The following ASMTL variants were observed in gnomAD, a reference collection of about 807,000 sequenced individuals.
ASMTL encodes acetylserotonin O-methyltransferase like, also known as probable bifunctional dTTP/UTP pyrophosphatase/methyltransferase protein.
In ASMTL, 57 loss-of-function variants were observed where a neutral mutation model predicts 60.3. The observed-to-expected ratio is 0.95, with a 90% CI of 0.76 to 1.18. ASMTL has a LOEUF of 1.18. ASMTL is among the 50% of genes most tolerant of loss of function. The pLI, the probability that ASMTL is intolerant of heterozygous loss-of-function variation, is 0.00. For missense variants in ASMTL, 981 were observed against 852.6 expected (o/e 1.15, Z -1.88); for synonymous variants, 419 against 373.0 (o/e 1.12, Z -1.42).
At chrX:1,416,721 C>T (rs1419087756) in intron 11 of ASMTL, among the ~76,000 whole-genome samples, 1 of 123,704 alleles carries the variant, frequency 8.1e-6, no homozygotes, top group Non-Finnish European at 1.7e-5. Flanking sequence ...CACGCACACA[C>T]AAGGACATAC....
intron 6 of ASMTL, among the ~76,000 whole-genome samples, chrX:1,431,269 AT>A (rs1234596512): frequency 1.6e-5 from 2 of 128,156 alleles, no homozygotes; most frequent in East Asian, 4.3e-4. Flanking sequence ...GTAATTATAT[AT>A]TTATATATAA....
At chrX:1,435,386 C>T (rs2090934546) in intron 4 of ASMTL, 2 of 605,178 alleles carry the variant, frequency 3.3e-6, no homozygotes, top group Middle Eastern at 4.4e-4. Context: ...GGATGACGTC[C>T]CAGGCTACGG....
chrX:1,438,158 G>A (rs5989667), intron 3 of ASMTL, among the ~76,000 whole-genome samples: 34,780 of 150,876 alleles, frequency 0.23, 3,997 homozygotes, highest in Non-Finnish European at 0.24. Flanking sequence ...GCGTGGTGGC[G>A]GGTGCCTGTG....
Position 1,428,019 on chromosome X carries a change from G to A in ASMTL, c.612C>T (p.Phe204=). 3 of 1,613,662 alleles carry A rather than the reference G, an allele frequency of 1.9e-6. No homozygotes were observed. The highest frequency in any genetic ancestry group is 3.3e-4 in the Middle Eastern group (2 of 6,050). Reference sequence around the variant, plus strand: ...AGTAGAGCTTCACCAGCTGCTTGCAGAAGTGGTTCAGCGGGAATCCCACCA... The same window carrying A: ...AGTAGAGCTTCACCAGCTGCTTGCAAAAGTGGTTCAGCGGGAATCCCACCA... ...LNVVGFPLNH[F]CKQLVKLYYP... is the part of the protein sequence containing the mutation. The change falls in exon 7 of 13, where the codon TTC becomes TTT. Residue 204 remains phenylalanine, a synonymous_variant. Transcript: ENST00000381317.
rs764099301 is a variant in ASMTL at position 1,435,175 on chromosome X, G to A, written c.339-92C>T. Reference sequence around the variant, plus strand: ...TCAAAACCAGGGGAGGCAGCGAGGCGTCCTTAATCCTGGATCCGTCCCCAG... The same window carrying A: ...TCAAAACCAGGGGAGGCAGCGAGGCATCCTTAATCCTGGATCCGTCCCCAG... On this transcript the variant is annotated intron_variant, in intron 4 of 12. Coordinates refer to ENST00000381317, the MANE Select transcript of ASMTL (RefSeq NM_004192.4). 67 of 1,332,752 alleles carry A rather than the reference G, an allele frequency of 5.0e-5. No homozygotes were observed. The East Asian group carries it at 6.4e-4, about 13-fold the overall frequency. 82.6% of individuals were successfully genotyped at this position (1,332,752 alleles called of 1,614,324 possible). A position where few individuals can be genotyped will look rare whatever the true frequency, so the allele number is the denominator to read the frequency against.
At chrX:1,430,953 C>G (rs1234422550) in intron 6 of ASMTL, among the ~76,000 whole-genome samples, 4 of 140,200 alleles carry the variant, frequency 2.9e-5, no homozygotes, top group African/African-American at 1.0e-4. Flanking sequence ...ATATGTATTA[C>G]ATATATTTAA....
rs201674322 is a variant in ASMTL, at chrX:1,418,997, C to T, written c.1363G>A (p.Ala455Thr). 6.9e-5 allele frequency: 111 copies of T among 1,611,822 alleles called. No homozygotes were observed. In the Admixed American group the frequency reaches 8.3e-4, roughly 12 times the overall value. ...TAFNLSRFSS[A>T]CDVGGCTGAL... ...GGCCACCCACCTCCCACGTCGCAGGCGGAGGAGAAGCGGGACAGATTGAAG... is the reference window on the plus strand; with the variant it reads ...GGCCACCCACCTCCCACGTCGCAGGTGGAGGAGAAGCGGGACAGATTGAAG... The change falls in exon 10 of 13, where the codon GCC (alanine) becomes ACC (threonine). Residue 455 changes from alanine (A) to threonine (T), a missense_variant. Transcript: ENST00000381317.
intron 5 of ASMTL, among the ~76,000 whole-genome samples, 200 bp from the exon 6 acceptor site, chrX:1,432,577 C>T (rs1309457692): frequency 2.6e-5 from 4 of 152,212 alleles, no homozygotes; most frequent in Admixed American, 6.5e-5. Context: ...CGCCTGTCAT[C>T]CCAGCACCTT....
At chrX:1,413,531 C>G (rs1486129679) in intron 11 of ASMTL, among the ~76,000 whole-genome samples, 1 of 152,140 alleles carries the variant, frequency 6.6e-6, no homozygotes, top group East Asian at 1.9e-4. Flanking sequence ...TTGCGGGGGG[C>G]GCATGTAGCT....
At chrX:1,439,183 C>T (rs768188110) in intron 2 of ASMTL, 39 bp from the exon 3 acceptor site, 15 of 1,609,442 alleles carry the variant, frequency 9.3e-6, no homozygotes, top group Middle Eastern at 3.3e-4. Flanking sequence ...GGTGACGTGC[C>T]GTGGGTCTCA....
At position 1,403,382 on chromosome X, in the gene ASMTL, G is replaced by A. The variant is rs371220130; in HGVS notation, c.1753C>T (p.Arg585Trp). ...AAGCACTGATACTCGCCCAGGCTCC[G>A]CTCCTTGCCTTCAGTCTGCACCAGC... Reference protein sequence around the residue: ...NMLVQTEGKERSLGEYQCLLE... With the variant: ...NMLVQTEGKEWSLGEYQCLLE... Residue 585 changes from arginine to tryptophan, a missense_variant, in exon 13 of 13, where the codon CGG (arginine) becomes TGG (tryptophan). Coordinates refer to ENST00000381317, the MANE Select transcript of ASMTL (RefSeq NM_004192.4). 33 of 1,613,322 alleles carry A rather than the reference G, an allele frequency of 2.0e-5. No homozygotes were observed. Among genetic ancestry groups the A allele is most frequent in the African/African-American group, 6.7e-5 (5 of 74,934 alleles).
At chrX:1,416,694 A>G (rs759309151) in intron 11 of ASMTL, among the ~76,000 whole-genome samples, 2 of 151,936 alleles carry the variant, frequency 1.3e-5, no homozygotes, top group East Asian at 3.9e-4. Context: ...ATGCAGACAC[A>G]GAGACACATT....
chrX:1,424,123 T>C (rs1289217773), intron 8 of ASMTL, among the ~76,000 whole-genome samples: 1 of 138,990 alleles, frequency 7.2e-6, no homozygotes, highest in African/African-American at 2.7e-5. Context: ...TCCATCCACA[T>C]CCATTTATCC....
At chrX:1,410,416 C>CT (rs761882872) in intron 12 of ASMTL, among the ~76,000 whole-genome samples, 1,885 of 145,512 alleles carry the variant, frequency 0.013, 38 homozygotes, top group African/African-American at 0.039. Flanking sequence ...CCACAAAAAA[C>CT]TTTTTTTTTT....
At chrX:1,435,804 C>A (rs2090951316) in intron 3 of ASMTL, 46 bp from the exon 4 acceptor site, 1 of 1,542,018 alleles carries the variant, frequency 6.5e-7, no homozygotes, top group Non-Finnish European at 9.0e-7. Flanking sequence ...CCGGCTGGGT[C>A]AGGCCTGTGC....
chrX:1,431,352 TTATA>T (rs1400526593), intron 6 of ASMTL, among the ~76,000 whole-genome samples: 3 of 132,118 alleles, frequency 2.3e-5, no homozygotes, highest in Non-Finnish European at 3.1e-5. Context: ...TAAATATAAA[TTATA>T]TAATTTATAT....
At chrX:1,411,884 C>G (rs1389132745) in intron 12 of ASMTL, among the ~76,000 whole-genome samples, 1 of 134,012 alleles carries the variant, frequency 7.5e-6, no homozygotes, top group African/African-American at 2.8e-5. Context: ...GCAGTCTCGG[C>G]TCACTGCAAC....
chrX:1,452,462 G>A (rs2091421285), intron 1 of ASMTL, among the ~76,000 whole-genome samples: 2 of 149,238 alleles, frequency 1.3e-5, no homozygotes, highest in East Asian at 2.0e-4. Context: ...CATTCCTAGG[G>A]GTCCCGGGTT....
intron 8 of ASMTL, among the ~76,000 whole-genome samples, chrX:1,423,057 A>G (rs1433278194): frequency 1.3e-5 from 2 of 151,976 alleles, no homozygotes; most frequent in Non-Finnish European, 2.9e-5. Flanking sequence ...GGTTCATGCC[A>G]TTGTCCTCCC....
Sources: gnomAD v4.1 joint callset for allele counts (sites outside exome capture counted in the v4.1 genomes callset) on GRCh38, gnomAD v4.1.1 for gene constraint, MANE v1.5 for transcripts, NCBI Gene and HGNC (gene_info 2026-07-23, HGNC 2026-07-21) for gene names.